The following NPC1 variants were observed in gnomAD, a reference collection of about 807,000 sequenced individuals.
NPC1 encodes the protein Niemann-Pick C1 protein.
A neutral mutation model predicts 140.4 loss-of-function variants in NPC1; 85 were observed. The observed-to-expected ratio is 0.61, with a 90% CI of 0.51 to 0.72. The LOEUF (loss-of-function observed/expected upper bound fraction) is 0.72, where lower values mean the gene tolerates loss of function less well. Among genes scored for constraint, NPC1 ranks in the 30% least tolerant of loss-of-function variants. The pLI is 0.00. For missense variants in NPC1, 1,504 were observed against 1,623.8 expected, an observed-to-expected ratio of 0.93 and a Z score of 1.27; for synonymous variants, 656 against 624.8, an observed-to-expected ratio of 1.05 and a Z score of -0.74.
Position 23,556,606 on chromosome 18 carries a change from C to G in NPC1, c.963G>C (p.Ala321=). ...CTGCGCTGACAGGGTCACAGCAGGA[C>G]GCCTCTCCTGGAAGAACGGGAGAGG... ...FSVNASDKGE[A]SCCDPVSAAF... Residue 321 remains alanine, a synonymous_variant, in exon 8 of 25, where the codon GCG becomes GCC. Transcript: ENST00000269228. The G allele has an allele frequency of 6.2e-7, 1 of 1,614,002 alleles. No individual in the cohort carries two copies. The highest frequency in any genetic ancestry group is 1.1e-5 in the South Asian group (1 of 91,050).
chr18:23,547,938 G>C, intron 11 of NPC1, 68 bp downstream of exon 11: 1 of 932,554 alleles, frequency 1.1e-6, no homozygotes. Context: ...TGAAGTTTAA[G>C]TGCTTGCCGC....
At chr18:23,563,986 A>ATTTT (rs1567972936) in intron 4 of NPC1, among the ~76,000 whole-genome samples, 4 of 56,666 alleles carry the variant, frequency 7.1e-5, no homozygotes, top group Non-Finnish European at 1.3e-4. Flanking sequence ...GAGTAGTAAG[A>ATTTT]GTTTTTTTTT....
chr18:23,564,356 T>C (rs930762269), intron 4 of NPC1, among the ~76,000 whole-genome samples: 4 of 152,078 alleles, frequency 2.6e-5, no homozygotes, highest in African/African-American at 9.7e-5. Context: ...CTTGTCCTTT[T>C]TTTTGAGACA....
Position 23,534,274 on chromosome 18 carries a change from G to C in NPC1, c.3591+172C>G, listed in dbSNP as rs923488324. 1.0e-5 allele frequency: 7 copies of C among 682,922 alleles called. No homozygotes were observed. The Admixed American group carries it at 1.2e-4, about 12-fold the overall frequency. 42.3% of individuals were successfully genotyped at this position (682,922 alleles called of 1,614,324 possible). ...AAAAGGAGCCGTACCAACAGGTACAGTTCCACAGAACGTCCGTTCTGTCCA... is the reference window on the plus strand; with the variant it reads ...AAAAGGAGCCGTACCAACAGGTACACTTCCACAGAACGTCCGTTCTGTCCA... On this transcript the variant is annotated intron_variant, in intron 23 of 24. Transcript: ENST00000269228.
rs186304456 is a variant in NPC1, at chr18:23,513,847, G to A, written c.432-7205C>T. Among the ~76,000 whole-genome samples the A allele has an allele frequency of 1.4e-3, 212 of 152,198 alleles. 1 individual carries two copies. The highest frequency in any genetic ancestry group is 2.6e-3 in the Non-Finnish European group (176 of 68,016). On this transcript the variant is annotated intron_variant, in intron 3 of 3. Transcript: ENST00000591107. ...TCATCTTTGGAGAAATGACTAATTCGGGTCATTGTGCCTATTTTTAAAATC... is the reference window on the plus strand; with the variant it reads ...TCATCTTTGGAGAAATGACTAATTCAGGTCATTGTGCCTATTTTTAAAATC...
intron 1 of NPC1, among the ~76,000 whole-genome samples, chr18:23,586,058 C>T (rs983766188): frequency 6.6e-5 from 10 of 152,244 alleles, no homozygotes; most frequent in African/African-American, 2.4e-4. Context: ...ACAGATGGAA[C>T]AAGCTCAGAA....
At chr18:23,538,504 T>G in intron 20 of NPC1, 38 bp downstream of exon 20, 1 of 1,613,630 alleles carries the variant, frequency 6.2e-7, no homozygotes, top group Non-Finnish European at 8.5e-7. Flanking sequence ...AAATTAAAGT[T>G]GCAGTGGATG....
At chr18:23,540,585 CTT>C in intron 16 of NPC1, 48 bp from the exon 17 acceptor site, 1 of 1,304,242 alleles carries the variant, frequency 7.7e-7, no homozygotes, top group Non-Finnish European at 1.1e-6. Flanking sequence ...AGTAAATAAG[CTT>C]ACGACCAGAA....
At chr18:23,549,630 C>T (rs2145423597) in intron 10 of NPC1, among the ~76,000 whole-genome samples, 1 of 152,044 alleles carries the variant, frequency 6.6e-6, no homozygotes, top group South Asian at 2.1e-4. Flanking sequence ...CAGAGCAAGA[C>T]TCTGTCTCTG....
intron 6 of NPC1, among the ~76,000 whole-genome samples, chr18:23,558,303 C>T (rs1320552839): frequency 1.3e-5 from 2 of 152,180 alleles, no homozygotes; most frequent in Non-Finnish European, 2.9e-5. Context: ...AGCCAGCAGA[C>T]ATCACCTTGA....
rs746766867 is a variant in NPC1, at chr18:23,538,547, G to A, written c.3036C>T (p.Gly1012=). ...GCAATGGCAGCAGCACTTACCCTTT[G>A]CCACACTTGGGGTTAGGGTTATCCG... ...FLSDNPNPKC[G]KGGHAAYSSA... The change falls in exon 20 of 25, where the codon GGC becomes GGT. Residue 1012 remains glycine, a synonymous_variant. Transcript: ENST00000269228. The A allele has an allele frequency of 3.7e-6, 6 of 1,614,132 alleles. No homozygotes were observed. The South Asian group carries it at 6.6e-5, about 18-fold the overall frequency.
chr18:23,565,010 A>C (rs1194777568), intron 4 of NPC1, among the ~76,000 whole-genome samples: 1 of 152,188 alleles, frequency 6.6e-6, no homozygotes, highest in Non-Finnish European at 1.5e-5. Context: ...ATTCTCAGTT[A>C]TATTCCATTG....
intron 9 of NPC1, among the ~76,000 whole-genome samples, chr18:23,554,291 C>G (rs1373500131): frequency 6.6e-6 from 1 of 152,188 alleles, no homozygotes; most frequent in Non-Finnish European, 1.5e-5. Flanking sequence ...ATGTGTTCAT[C>G]AACCGTCTCC....
rs145913831 is a variant in NPC1 at position 23,570,444 on chromosome 18, T to C, written c.288-1446A>G. 3.6e-3 allele frequency among the ~76,000 whole-genome samples: 556 copies of C among 152,358 alleles called. 3 individuals carry two copies. The highest frequency in any genetic ancestry group is 0.013 in the African/African-American group (539 of 41,582). On this transcript the variant is annotated intron_variant, in intron 3 of 24. Transcript: ENST00000269228. ...TCCATCAATGTTCACAAGCCTTTCATAGGATATGCTGGCCCAATTACAGCC... is the reference window on the plus strand; with the variant it reads ...TCCATCAATGTTCACAAGCCTTTCACAGGATATGCTGGCCCAATTACAGCC...
chr18:23,543,254 G>A (rs1480966612), intron 14 of NPC1, among the ~76,000 whole-genome samples: 2 of 151,450 alleles, frequency 1.3e-5, no homozygotes, highest in African/African-American at 4.9e-5. Context: ...GCTTGAACCC[G>A]GGAGGCGGAG....
chr18:23,526,418 C>T (rs1294055688), downstream of NPC1, among the ~76,000 whole-genome samples: 1 of 152,148 alleles, frequency 6.6e-6, no homozygotes, highest in African/African-American at 2.4e-5. Flanking sequence ...GCCAGGTGTG[C>T]GGTGGTTGGG....
intron 6 of NPC1, among the ~76,000 whole-genome samples, chr18:23,557,936 G>C (rs2058978909): frequency 6.6e-6 from 1 of 152,158 alleles, no homozygotes; most frequent in South Asian, 2.1e-4. Context: ...CAGCCAGAAG[G>C]CACTCCCAAT....
chr18:23,532,432 T>G, intron 24 of NPC1, 148 bp from the exon 25 acceptor site: 2 of 838,038 alleles, frequency 2.4e-6, no homozygotes, highest in Non-Finnish European at 4.0e-6. Context: ...TGAGACCACA[T>G]CTCTCTCCCT....
At chr18:23,534,698 G>C (rs2145344910) in intron 22 of NPC1, 139 bp from the exon 23 acceptor site, 1 of 718,396 alleles carries the variant, frequency 1.4e-6, no homozygotes, top group Middle Eastern at 2.5e-4. Flanking sequence ...GGACTTACAA[G>C]GCCTCCATCA....
Sources: gnomAD v4.1 joint callset for allele counts (sites outside exome capture counted in the v4.1 genomes callset) on GRCh38, gnomAD v4.1.1 for gene constraint, MANE v1.5 for transcripts, NCBI Gene and HGNC (gene_info 2026-07-23, HGNC 2026-07-21) for gene names.